LARGE1: variants seen among roughly 807,000 people sequenced by gnomAD.
LARGE1 encodes the protein xylosyl- and glucuronyltransferase LARGE1.
In LARGE1, 43 loss-of-function variants were observed where a neutral mutation model predicts 87.6. The ratio of observed to expected loss-of-function variants is 0.49; its 90% confidence interval spans 0.38 to 0.63. The LOEUF is 0.63. Ranked by LOEUF, LARGE1 falls within the 30% of genes least tolerant of loss-of-function variation. The pLI is 0.00. For missense variants in LARGE1, 802 were observed against 1,000.2 expected, an observed-to-expected ratio of 0.80 and a Z score of 2.67; for synonymous variants, 434 against 394.6, an observed-to-expected ratio of 1.10 and a Z score of -1.18.
At chr22:33,079,353 A>T in the LARGE1 span, among the ~76,000 whole-genome samples, 1 of 147,690 alleles carries the variant, frequency 6.8e-6, no homozygotes, top group South Asian at 2.1e-4. Flanking sequence ...TCAGCCTCCC[A>T]ACTAGCTGGG....
At chr22:33,413,761 G>A (rs891970995) in intron 7 of LARGE1, among the ~76,000 whole-genome samples, 15 of 152,002 alleles carry the variant, frequency 9.9e-5, no homozygotes, top group African/African-American at 2.4e-4. Context: ...CACCGCACCC[G>A]GCCTACTGGG....
rs189877653 is a variant in LARGE1 at position 33,916,137 on chromosome 22, C to T, written c.-83+3858G>A. Among the ~76,000 whole-genome samples the T allele has an allele frequency of 7.1e-3, 1,086 of 152,072 alleles. 9 individuals are homozygous for T. The highest frequency in any genetic ancestry group is 0.025 in the African/African-American group (1,048 of 41,476). ...CTCTACTAAAAATACAAAAATTAGC[C>T]GGGCGTGGGGGCGGGCGCCTGTAAT... On this transcript the variant is annotated intron_variant, in intron 1 of 14. Coordinates refer to ENST00000397394, the MANE Select transcript of LARGE1 (RefSeq NM_133642.5).
At chr22:33,714,321 G>A (rs1167892585) in intron 2 of LARGE1, among the ~76,000 whole-genome samples, 1 of 152,176 alleles carries the variant, frequency 6.6e-6, no homozygotes, top group Non-Finnish European at 1.5e-5. Flanking sequence ...AAAAACTCCA[G>A]CTCTAGAGGC....
chr22:33,883,742 C>T (rs2064766156), intron 1 of LARGE1, among the ~76,000 whole-genome samples: 1 of 152,252 alleles, frequency 6.6e-6, no homozygotes, highest in East Asian at 1.9e-4. Context: ...AGCCCCATGA[C>T]TCATTCCTTC....
chr22:33,842,683 G>A (rs1295866833), intron 1 of LARGE1, among the ~76,000 whole-genome samples: 1 of 152,166 alleles, frequency 6.6e-6, no homozygotes, highest in East Asian at 1.9e-4. Flanking sequence ...CAACAGTCAT[G>A]ATGTATATTT....
At chr22:33,875,154 G>A (rs1435535589) in intron 1 of LARGE1, among the ~76,000 whole-genome samples, 1 of 152,136 alleles carries the variant, frequency 6.6e-6, no homozygotes, top group Non-Finnish European at 1.5e-5. Context: ...CCTCCAGAGG[G>A]GCAATTTTAT....
chr22:33,355,025 G>A (rs984957931), intron 9 of LARGE1, among the ~76,000 whole-genome samples: 2 of 152,278 alleles, frequency 1.3e-5, no homozygotes, highest in Non-Finnish European at 2.9e-5. Flanking sequence ...CTGTTTTATA[G>A]TGTATTCATG....
chr22:33,258,882 T>C (rs1327211987), intron 11 of LARGE1, among the ~76,000 whole-genome samples: 3 of 132,268 alleles, frequency 2.3e-5, no homozygotes, highest in Admixed American at 7.2e-5. Context: ...TTTCTTCTTT[T>C]TTTTTTTTTT....
chr22:33,244,204 C>T (rs1288280306), intron 11 of LARGE1, among the ~76,000 whole-genome samples: 1 of 151,676 alleles, frequency 6.6e-6, no homozygotes, highest in African/African-American at 2.4e-5. Context: ...ACCATGTTAA[C>T]CAGGATGGTC....
chr22:33,131,523 C>T, the LARGE1 span, among the ~76,000 whole-genome samples: 15 of 152,154 alleles, frequency 9.9e-5, no homozygotes, highest in African/African-American at 3.4e-4. Flanking sequence ...ACTCACAGTT[C>T]CACATGGCTG....
intron 11 of LARGE1, among the ~76,000 whole-genome samples, chr22:33,207,857 C>T (rs933172952): frequency 6.6e-6 from 1 of 151,972 alleles, no homozygotes; most frequent in East Asian, 1.9e-4. Context: ...GGGTGGGGAG[C>T]GGGCCCCATT....
At chr22:33,738,923 T>TC (rs1213352267) in intron 2 of LARGE1, among the ~76,000 whole-genome samples, 2 of 148,816 alleles carry the variant, frequency 1.3e-5, no homozygotes, top group South Asian at 2.2e-4. Flanking sequence ...TATGTCCCTA[T>TC]CCCCCCCGCA....
chr22:33,893,422 G>C (rs1362119562), intron 1 of LARGE1, among the ~76,000 whole-genome samples: 3 of 152,160 alleles, frequency 2.0e-5, no homozygotes, highest in Non-Finnish European at 2.9e-5. Flanking sequence ...AATATTTATT[G>C]AGAGTTCTCT....
At chr22:33,208,648 G>T (rs529228958) in intron 11 of LARGE1, among the ~76,000 whole-genome samples, 1 of 151,634 alleles carries the variant, frequency 6.6e-6, no homozygotes, top group African/African-American at 2.4e-5. Flanking sequence ...AGGTATACAC[G>T]TGCCATGGTG....
At chr22:33,527,724 T>C (rs986415571) in intron 6 of LARGE1, among the ~76,000 whole-genome samples, 4 of 151,926 alleles carry the variant, frequency 2.6e-5, no homozygotes, top group African/African-American at 9.7e-5. Context: ...AAAGAGAAAG[T>C]GACTGGCCCC....
chr22:33,583,010 T>C (rs1189515901), intron 5 of LARGE1, among the ~76,000 whole-genome samples: 1 of 152,234 alleles, frequency 6.6e-6, no homozygotes, highest in South Asian at 2.1e-4. Flanking sequence ...ACATTAAGTA[T>C]GAGCACATGT....
Position 33,604,943 on chromosome 22 carries a change from G to GT in LARGE1, c.492-386dup, listed in dbSNP as rs575854710. ...TAACGCAGAAACACAACAATGTAGT[G>GT]TAAGTTTTTTAGACTGGCTGCAGGC... On this transcript the variant is annotated intron_variant, in intron 4 of 14. Transcript: ENST00000397394. 4.4e-3 allele frequency among the ~76,000 whole-genome samples: 674 copies of GT among 151,956 alleles called. 2 individuals carry two copies. The highest frequency in any genetic ancestry group is 7.4e-3 in the Non-Finnish European group (504 of 68,002).
intron 2 of LARGE1, among the ~76,000 whole-genome samples, chr22:33,662,622 A>C (rs560841001): frequency 6.6e-6 from 1 of 152,192 alleles, no homozygotes; most frequent in African/African-American, 2.4e-5. Flanking sequence ...AGAGGAATAG[A>C]AAGAGCTAGT....
At chr22:33,497,761 A>G (rs2070212655) in intron 6 of LARGE1, among the ~76,000 whole-genome samples, 1 of 152,262 alleles carries the variant, frequency 6.6e-6, no homozygotes, top group South Asian at 2.1e-4. Context: ...ACTGATGCTA[A>G]CGATAACAAT....
Sources: gnomAD v4.1 joint callset for allele counts (sites outside exome capture counted in the v4.1 genomes callset) on GRCh38, gnomAD v4.1.1 for gene constraint, MANE v1.5 for transcripts, NCBI Gene and HGNC (gene_info 2026-07-23, HGNC 2026-07-21) for gene names.